The following ZNF257 variants were observed in gnomAD, a reference collection of about 807,000 sequenced individuals.
The protein encoded by ZNF257 is bone marrow zinc finger 4.
A neutral mutation model predicts 11.9 loss-of-function variants in ZNF257; 12 were observed. The ratio of observed to expected loss-of-function variants is 1.01; its 90% CI spans 0.65 to 1.63. ZNF257 has a LOEUF of 1.63. Among genes scored for constraint, ZNF257 ranks in the 40% most tolerant of loss-of-function variants. ZNF257 has a pLI of 0.00. For missense variants in ZNF257, 580 were observed against 665.5 expected (o/e 0.87, Z 1.41); for synonymous variants, 183 against 222.7 (o/e 0.82, Z 1.59).
chr19:22,077,381 A>T (rs961189508), intron 3 of ZNF257, among the ~76,000 whole-genome samples: 9 of 152,164 alleles, frequency 5.9e-5, no homozygotes, highest in Non-Finnish European at 1.2e-4. Context: ...AGAGACTTCC[A>T]GAAATTTTCC....
chr19:22,076,711 C>G (rs10411495), intron 3 of ZNF257, among the ~76,000 whole-genome samples: 1 of 152,014 alleles, frequency 6.6e-6, no homozygotes, highest in East Asian at 1.9e-4. Context: ...TTTTTTGAGA[C>G]GGAGTCTCGC....
intron 1 of ZNF257, among the ~76,000 whole-genome samples, chr19:22,053,497 G>A (rs936553054): frequency 2.0e-5 from 3 of 152,092 alleles, no homozygotes; most frequent in Admixed American, 6.6e-5. Flanking sequence ...TCAGTAATTG[G>A]TTAGATGCAG....
In ZNF257 at chr19:22,089,747, C is replaced by A. The variant is rs186254693; in HGVS notation, c.*305C>A. 4.5e-6 allele frequency: 2 copies of A among 440,300 alleles called. No individual in the cohort carries two copies. Among genetic ancestry groups the A allele is most frequent in the Non-Finnish European group, 3.9e-6 (1 of 254,448 alleles). 27.3% of individuals were successfully genotyped at this position (440,300 alleles called of 1,614,324 possible). A position where few individuals can be genotyped will look rare whatever the true frequency, so the allele number is the denominator to read the frequency against. ...GACAAGGCCTTTAAAAGTTCTCAAC[C>A]CTTATTACACATAATTTATACTGGA... On this transcript the variant is annotated 3_prime_UTR_variant, in exon 4 of 4. Coordinates refer to ENST00000594947, the MANE Select transcript of ZNF257 (RefSeq NM_033468.4).
intron 3 of ZNF257, among the ~76,000 whole-genome samples, chr19:22,078,767 T>G (rs1287911240): frequency 6.6e-6 from 1 of 151,718 alleles, no homozygotes; most frequent in Non-Finnish European, 1.5e-5. Flanking sequence ...GCTTTATCAC[T>G]GTTGACACCC....
intron 3 of ZNF257, among the ~76,000 whole-genome samples, chr19:22,073,869 G>A (rs1213119192): frequency 6.6e-6 from 1 of 151,812 alleles, no homozygotes; most frequent in East Asian, 1.9e-4. Context: ...TGTTTTTAGG[G>A]GCATACAAAT....
intron 1 of ZNF257, among the ~76,000 whole-genome samples, chr19:22,058,690 T>C (rs2021709339): frequency 6.6e-6 from 1 of 152,194 alleles, no homozygotes; most frequent in Non-Finnish European, 1.5e-5. Context: ...TAGTGCCCAT[T>C]GTTTTGTGAT....
At chr19:22,064,110 G>T (rs756165588) in intron 1 of ZNF257, 10 of 151,946 alleles carry the variant, frequency 6.6e-5, no homozygotes, top group Non-Finnish European at 1.3e-4. Flanking sequence ...TGTGCCCAAG[G>T]TTGCCCCTTA....
chr19:22,053,400 A>G (rs1460606959), intron 1 of ZNF257, among the ~76,000 whole-genome samples: 1 of 150,096 alleles, frequency 6.7e-6, no homozygotes, highest in Non-Finnish European at 1.5e-5. Context: ...AAAAATTGTA[A>G]AGTACCCAGC....
At chr19:22,076,753 A>G (rs1443707185) in intron 3 of ZNF257, among the ~76,000 whole-genome samples, 4 of 152,014 alleles carry the variant, frequency 2.6e-5, no homozygotes, top group Non-Finnish European at 4.4e-5. Flanking sequence ...CAGTGGCATG[A>G]TTTCAGCTCA....
At chr19:22,062,708 C>G (rs2021836621) in intron 1 of ZNF257, among the ~76,000 whole-genome samples, 1 of 152,002 alleles carries the variant, frequency 6.6e-6, no homozygotes, top group African/African-American at 2.4e-5. Flanking sequence ...TCTTGAACTC[C>G]CGACCTCAGG....
intron 3 of ZNF257, chr19:22,087,514 A>G (rs557570741): frequency 8.3e-6 from 10 of 1,201,922 alleles, no homozygotes; most frequent in Non-Finnish European, 1.0e-5. Flanking sequence ...ATTCTAAAGT[A>G]TACTATTTTT....
chr19:22,069,228 C>T lies in ZNF257; in HGVS notation c.4-3581C>T, dbSNP rs377295913. 1.8e-3 allele frequency among the ~76,000 whole-genome samples: 279 copies of T among 152,110 alleles called. 1 individual carries two copies. The highest frequency in any genetic ancestry group is 6.0e-3 in the South Asian group (29 of 4,818). On this transcript the variant is annotated intron_variant, in intron 1 of 3. Transcript: ENST00000594947. ...TAGTCCAGACTAGCAACTGGATAAA[C>T]GATGAATTAAGCATCATATGGTTGA...
chr19:22,073,047 G>A lies in ZNF257; in HGVS notation c.130+112G>A, dbSNP rs367790122. 2.5e-4 allele frequency: 311 copies of A among 1,251,402 alleles called. 2 individuals are homozygous for A. The East Asian group carries it at 5.2e-3, about 21-fold the overall frequency. 77.5% of individuals were successfully genotyped at this position (1,251,402 alleles called of 1,614,324 possible). A position where few individuals can be genotyped will look rare whatever the true frequency, so the allele number is the denominator to read the frequency against. ...TAATTTGGTAATTTTTGATAATTAT[G>A]TTTTGCATAAATGAGTTTCATATCC... On this transcript the variant is annotated intron_variant, in intron 2 of 3. Transcript: ENST00000594947.
At chr19:22,077,171 TA>T (rs1484238209) in intron 3 of ZNF257, among the ~76,000 whole-genome samples, 2 of 152,066 alleles carry the variant, frequency 1.3e-5, no homozygotes, top group Non-Finnish European at 2.9e-5. Context: ...AATGTTTTAA[TA>T]GCCAGGCATG....
At chr19:22,073,585 G>A (rs113368200) in intron 3 of ZNF257, 21 bp downstream of exon 3, 20,999 of 1,604,230 alleles carry the variant, frequency 0.013, 189 homozygotes, top group Middle Eastern at 0.02. Flanking sequence ...GTGAAAGCCA[G>A]TACAACAGGT....
At chr19:22,072,973 C>T in intron 2 of ZNF257, 38 bp downstream of exon 2, 1 of 1,510,166 alleles carries the variant, frequency 6.6e-7, no homozygotes, top group Non-Finnish European at 8.8e-7. Context: ...TAATATACTC[C>T]AAAGGCTTTA....
At chr19:22,068,125 A>G (rs1481542053) in intron 1 of ZNF257, among the ~76,000 whole-genome samples, 3 of 150,436 alleles carry the variant, frequency 2.0e-5, no homozygotes, top group Admixed American at 1.3e-4. Context: ...TTACTAACAA[A>G]CATTTTTGTA....
At chr19:22,062,442 T>C (rs1013216789) in intron 1 of ZNF257, among the ~76,000 whole-genome samples, 2 of 151,020 alleles carry the variant, frequency 1.3e-5, no homozygotes, top group Admixed American at 6.6e-5. Flanking sequence ...GATTTTTACA[T>C]CAATGTTTGT....
At chr19:22,074,144 G>A (rs1423106081) in intron 3 of ZNF257, among the ~76,000 whole-genome samples, 25 of 150,842 alleles carry the variant, frequency 1.7e-4, no homozygotes, top group Admixed American at 1.5e-3. Flanking sequence ...TGTATTTTCC[G>A]TTACTGTGAA....
Sources: allele counts gnomAD v4.1 joint callset (sites outside exome capture counted in the v4.1 genomes callset), GRCh38; gene constraint gnomAD v4.1.1; transcripts MANE v1.5; gene names NCBI Gene and HGNC (gene_info 2026-07-23, HGNC 2026-07-21).